NKAIN2: variants seen among roughly 807,000 people sequenced by gnomAD.
The protein encoded by NKAIN2 is sodium/potassium-transporting ATPase subunit beta-1-interacting protein 2.
Under a neutral mutation model 32.6 loss-of-function variants are expected in NKAIN2, and 14 were observed. The ratio of observed to expected loss-of-function variants is 0.43; its 90% CI spans 0.28 to 0.67. NKAIN2 has a LOEUF of 0.67. Among genes scored for constraint, NKAIN2 ranks in the 30% least tolerant of loss-of-function variants. NKAIN2 has a pLI of 0.17. For synonymous variants in NKAIN2, 80 were observed against 87.2 expected (o/e 0.92, Z 0.46); for missense variants, 198 against 258.3 (o/e 0.77, Z 1.60).
chr6:124,022,132 A>T (rs2114762601), intron 1 of NKAIN2, among the ~76,000 whole-genome samples: 2 of 147,728 alleles, frequency 1.4e-5, no homozygotes, highest in Middle Eastern at 7.2e-3. Flanking sequence ...CCTATGAGTG[A>T]GAACATGCGG....
chr6:124,693,096 A>G (rs1774336872), intron 4 of NKAIN2, among the ~76,000 whole-genome samples: 1 of 152,160 alleles, frequency 6.6e-6, no homozygotes. Context: ...TGCTAAGTAA[A>G]AACAGGGTCG....
intron 3 of NKAIN2, among the ~76,000 whole-genome samples, chr6:124,543,077 A>G (rs991813933): frequency 6.6e-6 from 1 of 152,166 alleles, no homozygotes. Flanking sequence ...TAATAAAAAA[A>G]ATCAAAACAC....
At chr6:124,094,847 A>G (rs1033425418) in intron 1 of NKAIN2, among the ~76,000 whole-genome samples, 3 of 152,122 alleles carry the variant, frequency 2.0e-5, no homozygotes, top group Admixed American at 1.3e-4. Flanking sequence ...TAATTATTTC[A>G]TAACTTATAA....
At chr6:124,531,946 C>T (rs1449118094) in intron 3 of NKAIN2, among the ~76,000 whole-genome samples, 1 of 152,204 alleles carries the variant, frequency 6.6e-6, no homozygotes, top group African/African-American at 2.4e-5. Flanking sequence ...GCTGGGGTTA[C>T]AGGCGTGAAC....
At chr6:124,335,845 T>C (rs751274726) in intron 2 of NKAIN2, among the ~76,000 whole-genome samples, 1 of 152,174 alleles carries the variant, frequency 6.6e-6, no homozygotes, top group Non-Finnish European at 1.5e-5. Flanking sequence ...TGAAACTTGC[T>C]GATTGGTTGG....
At chr6:124,722,326 A>G (rs1327966801) in intron 4 of NKAIN2, among the ~76,000 whole-genome samples, 1 of 152,238 alleles carries the variant, frequency 6.6e-6, no homozygotes, top group Non-Finnish European at 1.5e-5. Context: ...TTCTGGGCAT[A>G]TATCCAAAAG....
intron 2 of NKAIN2, among the ~76,000 whole-genome samples, chr6:124,284,265 T>A (rs1288121997): frequency 6.6e-6 from 1 of 152,188 alleles, no homozygotes; most frequent in Non-Finnish European, 1.5e-5. Context: ...CATTTTCTTT[T>A]ATGAATCGTA....
intron 1 of NKAIN2, among the ~76,000 whole-genome samples, chr6:124,168,002 G>C (rs376166578): frequency 6.6e-6 from 1 of 152,062 alleles, no homozygotes; most frequent in African/African-American, 2.4e-5. Flanking sequence ...AAACCCATGT[G>C]GTACCCACAT....
chr6:123,889,016 A>G (rs1172140510), intron 1 of NKAIN2, among the ~76,000 whole-genome samples: 1 of 152,122 alleles, frequency 6.6e-6, no homozygotes, highest in African/African-American at 2.4e-5. Context: ...AGCCTTAAAG[A>G]ACAATCTACT....
At chr6:124,623,840 G>T (rs989926735) in intron 3 of NKAIN2, among the ~76,000 whole-genome samples, 1 of 152,172 alleles carries the variant, frequency 6.6e-6, no homozygotes, top group Non-Finnish European at 1.5e-5. Flanking sequence ...GTAGATCTTT[G>T]CAGGTTTTCC....
chr6:124,214,721 A>G (rs2114672810), intron 1 of NKAIN2, among the ~76,000 whole-genome samples: 1 of 152,244 alleles, frequency 6.6e-6, no homozygotes, highest in Admixed American at 6.5e-5. Flanking sequence ...CAACAAACAA[A>G]CAAACCTTGT....
chr6:124,753,992 C>T (rs1039023956), intron 4 of NKAIN2, among the ~76,000 whole-genome samples: 50 of 152,188 alleles, frequency 3.3e-4, no homozygotes, highest in Middle Eastern at 3.4e-3. Context: ...GGATGAATTA[C>T]GTAGAACAAT....
intron 1 of NKAIN2, among the ~76,000 whole-genome samples, chr6:123,942,716 G>A (rs1185286531): frequency 6.6e-6 from 1 of 152,006 alleles, no homozygotes; most frequent in Non-Finnish European, 1.5e-5. Flanking sequence ...CTATGAAGGC[G>A]ATTTCAAGGT....
chr6:124,527,193 A>G (rs373293746), intron 3 of NKAIN2, among the ~76,000 whole-genome samples: 29 of 152,324 alleles, frequency 1.9e-4, no homozygotes, highest in African/African-American at 6.7e-4. Flanking sequence ...TATGGTGCCT[A>G]TGGAATAAGG....
intron 1 of NKAIN2, among the ~76,000 whole-genome samples, chr6:123,945,352 A>T (rs1777015967): frequency 6.6e-6 from 1 of 152,142 alleles, no homozygotes; most frequent in Non-Finnish European, 1.5e-5. Flanking sequence ...GAATTTTAAT[A>T]TGAACACTGC....
chr6:123,894,480 G>T (rs1486824646), intron 1 of NKAIN2, among the ~76,000 whole-genome samples: 1 of 152,160 alleles, frequency 6.6e-6, no homozygotes, highest in Non-Finnish European at 1.5e-5. Context: ...TATGGATGGG[G>T]CATAGATTAG....
chr6:123,872,299 T>C (rs1382722865), intron 1 of NKAIN2, among the ~76,000 whole-genome samples: 1 of 152,216 alleles, frequency 6.6e-6, no homozygotes, highest in African/African-American at 2.4e-5. Flanking sequence ...TCAAGGATAA[T>C]GCCCTGAGGA....
intron 3 of NKAIN2, among the ~76,000 whole-genome samples, chr6:124,507,265 A>C (rs1011139438): frequency 1.3e-5 from 2 of 152,150 alleles, no homozygotes; most frequent in African/African-American, 4.8e-5. Context: ...TTTGTAGTCT[A>C]TGTGATGTGT....
At chr6:124,665,261 T>TA (rs1442722952) in intron 4 of NKAIN2, among the ~76,000 whole-genome samples, 1 of 152,072 alleles carries the variant, frequency 6.6e-6, no homozygotes, top group Non-Finnish European at 1.5e-5. Context: ...TTCAAAATAT[T>TA]AAAAAAGCTG....
Sources: allele counts gnomAD v4.1 joint callset (sites outside exome capture counted in the v4.1 genomes callset), GRCh38; gene constraint gnomAD v4.1.1; transcripts MANE v1.5; gene names NCBI Gene and HGNC (gene_info 2026-07-23, HGNC 2026-07-21).